The following GALNT7 variants were observed in gnomAD, a reference collection of about 807,000 sequenced individuals.
GALNT7 encodes N-acetylgalactosaminyltransferase 7.
GALNT7 carries 60 observed loss-of-function variants against 82.1 expected under a neutral mutation model. The observed-to-expected ratio is 0.73, with a 90% confidence interval of 0.59 to 0.91. The LOEUF is 0.91. GALNT7 is among the 40% of genes least tolerant of loss of function. GALNT7 has a pLI of 0.00. For missense variants in GALNT7, 660 were observed against 804.2 expected (o/e 0.82, Z 2.17); for synonymous variants, 243 against 275.1 (o/e 0.88, Z 1.15).
At chr4:173,173,688 A>T (rs183130012) in intron 1 of GALNT7, among the ~76,000 whole-genome samples, 173 of 152,340 alleles carry the variant, frequency 1.1e-3, no homozygotes, top group Non-Finnish European at 1.9e-3. Flanking sequence ...GGACCCCTGC[A>T]TTAAAACATT....
At position 173,234,112 on chromosome 4, in the gene GALNT7, C is replaced by T. The variant is rs114429022; in HGVS notation, c.127-13868C>T. 3.1e-3 allele frequency among the ~76,000 whole-genome samples: 470 copies of T among 152,280 alleles called. 1 individual carries two copies. Among genetic ancestry groups the T allele is most frequent in the African/African-American group, 0.011 (442 of 41,552 alleles). On this transcript the variant is annotated intron_variant, in intron 1 of 11. Coordinates refer to ENST00000265000, the MANE Select transcript of GALNT7 (RefSeq NM_017423.3). Reference sequence around the variant, plus strand: ...TGCTTGGCTTCTCGACATAGTTCACCGTGCCCTGTGTCTTGAACACACTGT... The same window carrying T: ...TGCTTGGCTTCTCGACATAGTTCACTGTGCCCTGTGTCTTGAACACACTGT...
chr4:173,205,945 C>T (rs994358069), intron 1 of GALNT7, among the ~76,000 whole-genome samples: 2 of 152,000 alleles, frequency 1.3e-5, no homozygotes, highest in African/African-American at 2.4e-5. Flanking sequence ...CCAGGCTAGC[C>T]TAGAGCCTGG....
intron 1 of GALNT7, among the ~76,000 whole-genome samples, chr4:173,178,120 A>G (rs915325340): frequency 2.0e-5 from 3 of 150,070 alleles, no homozygotes; most frequent in Admixed American, 6.6e-5. Flanking sequence ...ATAATACTAT[A>G]TAAGATAGAT....
At chr4:173,317,570 G>A in intron 9 of GALNT7, 64 bp from the exon 10 acceptor site, 1 of 970,898 alleles carries the variant, frequency 1.0e-6, no homozygotes, top group Admixed American at 1.7e-5. Context: ...GTTAAATTCT[G>A]ATGCCAGAGT....
intron 2 of GALNT7, among the ~76,000 whole-genome samples, chr4:173,289,891 C>T (rs1340042674): frequency 6.6e-6 from 1 of 152,182 alleles, no homozygotes; most frequent in African/African-American, 2.4e-5. Context: ...TTTGCCCCAA[C>T]TGATTTTTCC....
At chr4:173,173,432 G>T (rs531131327) in intron 1 of GALNT7, among the ~76,000 whole-genome samples, 93 of 152,194 alleles carry the variant, frequency 6.1e-4, no homozygotes, top group Non-Finnish European at 1.2e-3. Flanking sequence ...TGAAAATAAA[G>T]GTTTTTAAAG....
intron 1 of GALNT7, among the ~76,000 whole-genome samples, chr4:173,240,068 A>G (rs1288855675): frequency 3.9e-5 from 6 of 152,292 alleles, no homozygotes; most frequent in Middle Eastern, 3.4e-3. Flanking sequence ...AAGATTTTGT[A>G]TTTCTGAAGT....
intron 1 of GALNT7, among the ~76,000 whole-genome samples, chr4:173,194,763 A>G (rs1398203411): frequency 2.6e-5 from 4 of 152,058 alleles, no homozygotes; most frequent in South Asian, 2.1e-4. Flanking sequence ...TACATTAGGT[A>G]TATCTCCTAA....
rs369107270 is a variant in GALNT7 at position 173,253,300 on chromosome 4, T to C, written c.587+4860T>C. Among the ~76,000 whole-genome samples, 6 of 152,284 alleles carry C rather than the reference T, an allele frequency of 3.9e-5. No individual in the cohort carries two copies. In the South Asian group the frequency reaches 6.2e-4, roughly 16 times the overall value. ...TTCAGGAAGAGGGCACTTGAACATG[T>C]AGTAGAAGACATGAGCATGTAGTGC... is the stretch of plus-strand genomic sequence containing the variant. On this transcript the variant is annotated intron_variant, in intron 2 of 11. Coordinates refer to ENST00000265000, the MANE Select transcript of GALNT7 (RefSeq NM_017423.3).
chr4:173,199,756 G>A (rs527869129), intron 1 of GALNT7, among the ~76,000 whole-genome samples: 1 of 152,198 alleles, frequency 6.6e-6, no homozygotes, highest in African/African-American at 2.4e-5. Flanking sequence ...CAGTTTGGGC[G>A]GCGGGTGGTG....
intron 2 of GALNT7, among the ~76,000 whole-genome samples, chr4:173,274,591 A>G (rs906147835): frequency 3.9e-5 from 6 of 152,190 alleles, no homozygotes; most frequent in African/African-American, 1.4e-4. Flanking sequence ...TTCTTTATAT[A>G]TAAAATGAAT....
At chr4:173,194,370 G>C (rs563889152) in intron 1 of GALNT7, among the ~76,000 whole-genome samples, 60 of 152,276 alleles carry the variant, frequency 3.9e-4, no homozygotes, top group African/African-American at 1.3e-3. Flanking sequence ...TGTTGCCCTA[G>C]GGCTAGTATG....
intron 2 of GALNT7, among the ~76,000 whole-genome samples, chr4:173,259,860 A>C (rs933809281): frequency 2.6e-5 from 4 of 151,928 alleles, no homozygotes; most frequent in Non-Finnish European, 4.4e-5. Context: ...CTGGTCTCGA[A>C]CTCTTGACCT....
chr4:173,193,544 G>A (rs566420661), intron 1 of GALNT7, among the ~76,000 whole-genome samples: 27 of 152,054 alleles, frequency 1.8e-4, no homozygotes, highest in Middle Eastern at 3.4e-3. Context: ...TTGTATAACC[G>A]TAAAATTATT....
At chr4:173,178,035 GTGTGTGTGTGTGTGTGTGCGCGCA>G (rs1327929506) in intron 1 of GALNT7, among the ~76,000 whole-genome samples, 1 of 119,138 alleles carries the variant, frequency 8.4e-6, no homozygotes, top group Non-Finnish European at 1.7e-5. Flanking sequence ...GTGTGTGTGT[GTGTGTGTGTGTGTGTGTGCGCGCA>G]CGCGCGTGCG....
intron 2 of GALNT7, among the ~76,000 whole-genome samples, chr4:173,289,772 A>G (rs1736468233): frequency 6.6e-6 from 1 of 152,028 alleles, no homozygotes; most frequent in Non-Finnish European, 1.5e-5. Flanking sequence ...GTACTGGACC[A>G]TGTCTGCTTA....
rs59850256 is a variant in GALNT7 at position 173,235,644 on chromosome 4, C to T, written c.127-12336C>T. 9.7e-3 allele frequency among the ~76,000 whole-genome samples: 1,475 copies of T among 151,968 alleles called. 20 individuals carry two copies. The highest frequency in any genetic ancestry group is 0.033 in the African/African-American group (1,362 of 41,428). On this transcript the variant is annotated intron_variant, in intron 1 of 11. Coordinates refer to ENST00000265000, the MANE Select transcript of GALNT7 (RefSeq NM_017423.3). ...AATCTCTGCTCACTGCATGCTCCAC[C>T]GCCCAGGTTCACACCATTCTCCTGC...
chr4:173,295,003 A>G (rs1736669655), intron 3 of GALNT7, among the ~76,000 whole-genome samples: 1 of 152,176 alleles, frequency 6.6e-6, no homozygotes. Flanking sequence ...ATTGTATAGT[A>G]TTGTTAGTAG....
intron 5 of GALNT7, chr4:173,297,816 A>G: frequency 6.9e-7 from 1 of 1,452,890 alleles, no homozygotes; most frequent in Non-Finnish European, 9.0e-7. Flanking sequence ...CTGTGCCTCT[A>G]ATAGATTACA....
Sources: allele counts gnomAD v4.1 joint callset (sites outside exome capture counted in the v4.1 genomes callset), GRCh38; gene constraint gnomAD v4.1.1; transcripts MANE v1.5; gene names NCBI Gene and HGNC (gene_info 2026-07-23, HGNC 2026-07-21).